DNHD1: variants seen among roughly 807,000 people sequenced by gnomAD.
DNHD1 encodes the protein dynein heavy chain domain 1.
Under a neutral mutation model 458.1 loss-of-function variants are expected in DNHD1, and 383 were observed. That is an observed-to-expected ratio of 0.84 (90% CI 0.77 to 0.91). The LOEUF is 0.91. Ranked by LOEUF, DNHD1 falls within the 40% of genes least tolerant of loss-of-function variation. The pLI is 0.00. For missense variants in DNHD1, 5,336 were observed against 5,866.1 expected, an observed-to-expected ratio of 0.91 and a Z score of 2.95; for synonymous variants, 2,203 against 2,376.9, an observed-to-expected ratio of 0.93 and a Z score of 2.13.
chr11:6,564,421 G>T lies in DNHD1; in HGVS notation c.10373G>T (p.Arg3458Leu). Residue 3458 changes from arginine to leucine, a missense_variant, in exon 32 of 43, where the codon CGG becomes CTG. Coordinates refer to ENST00000254579, the MANE Select transcript of DNHD1 (RefSeq NM_144666.3). ...TACCTGGGTCCCTTCCCACCATTGC[G>T]GCGCCAAGAGCTACTGGACGAGTGG... ...IIYLGPFPPLRRQELLDEWLA... is the reference protein window; with the variant it reads ...IIYLGPFPPLLRQELLDEWLA... 2 of 1,551,684 alleles carry T rather than the reference G, an allele frequency of 1.3e-6. No individual in the cohort carries two copies. The highest frequency in any genetic ancestry group is 1.7e-6 in the Non-Finnish European group (2 of 1,146,974).
Position 6,546,585 on chromosome 11 carries a change from A to G in DNHD1, c.5646A>G (p.Glu1882=). ...TGCCACTGCTCAAGCAGATACTGGA[A>G]GACACAATACGGACACTAAATGTGA... The part of the protein sequence containing the change: ...CRLPLLKQIL[E]DTIRTLNVTK... The change falls in exon 21 of 43, where the codon GAA becomes GAG. Residue 1882 remains glutamate, a synonymous_variant. Transcript: ENST00000254579. The G allele has an allele frequency of 1.3e-6, 2 of 1,551,848 alleles. No individual in the cohort carries two copies. The highest frequency in any genetic ancestry group is 1.7e-6 in the Non-Finnish European group (2 of 1,147,012).
At position 6,556,714 on chromosome 11, in the gene DNHD1, G is replaced by A. The variant is rs890254480; in HGVS notation, c.7419G>A (p.Glu2473=). 23 of 1,548,932 alleles carry A rather than the reference G, an allele frequency of 1.5e-5. No individual in the cohort carries two copies. Among genetic ancestry groups the A allele is most frequent in the Non-Finnish European group, 1.8e-5 (21 of 1,144,816 alleles). The change falls in exon 25 of 43, where the codon GAG becomes GAA. Residue 2473 remains glutamate (E), a synonymous_variant. Transcript: ENST00000254579. ...DPEKSCQPVL[E]TLRQAMDGTV... ...AGAAGAGCTGCCAGCCAGTGTTGGA[G>A]ACTCTGCGCCAGGCCATGGATGGCA...
In DNHD1 at chr11:6,570,777, C is replaced by T; in HGVS notation, c.13265C>T (p.Pro4422Leu). The change falls in exon 42 of 43, where the codon CCC becomes CTC. Residue 4422 changes from proline to leucine, a missense_variant. This residue lies in a region of DNHD1 where 698 missense variants were observed against 664.9 expected (regional missense o/e 1.05). Coordinates refer to ENST00000254579, the MANE Select transcript of DNHD1 (RefSeq NM_144666.3). Reference sequence around the variant, plus strand: ...TTGAGTGCGCTGCAGCGGAGTTCACCCGTGTGGGTTCCTGAGTCTCGAAGA... The same window carrying T: ...TTGAGTGCGCTGCAGCGGAGTTCACTCGTGTGGGTTCCTGAGTCTCGAAGA... ...ALLSALQRSSPVWVPESRRGA... is the reference protein window; with the variant it reads ...ALLSALQRSSLVWVPESRRGA... 3 of 1,613,226 alleles carry T rather than the reference C, an allele frequency of 1.9e-6. No homozygotes were observed. Among genetic ancestry groups the T allele is most frequent in the Non-Finnish European group, 1.7e-6 (2 of 1,179,558 alleles).
intron 16 of DNHD1, 94 bp from the exon 17 acceptor site, chr11:6,539,125 C>T: frequency 1.2e-6 from 1 of 837,528 alleles, no homozygotes; most frequent in Non-Finnish European, 1.9e-6. Context: ...GGGGTCTGAG[C>T]TGGGCTGGGC....
At position 6,570,605 on chromosome 11, in the gene DNHD1, C is replaced by G; in HGVS notation, c.13106-13C>G. The G allele has an allele frequency of 6.3e-7, 1 of 1,589,138 alleles. No homozygotes were observed. The highest frequency in any genetic ancestry group is 8.6e-7 in the Non-Finnish European group (1 of 1,166,856). On this transcript the variant is annotated splice_polypyrimidine_tract_variant and intron_variant, in intron 41 of 42. Coordinates refer to ENST00000254579, the MANE Select transcript of DNHD1 (RefSeq NM_144666.3). ...GTCCATCTTGTCCCTCACCCCTCAC[C>G]TCTATCCCCAAGAGCTAAGGGAGCT...
At position 6,505,202 on chromosome 11, in the gene DNHD1, T is replaced by C. The variant is rs1852207344; in HGVS notation, c.920+2276T>C. 6.6e-6 allele frequency among the ~76,000 whole-genome samples: 1 copy of C among 152,050 alleles called. No homozygotes were observed. Among genetic ancestry groups the C allele is most frequent in the South Asian group, 2.1e-4 (1 of 4,818 alleles). Reference sequence around the variant, plus strand: ...CTCATAGCTTCTAATAACCTGAACCTCTTCCATTTGTTCCTCTAGTTCTGG... The same window carrying C: ...CTCATAGCTTCTAATAACCTGAACCCCTTCCATTTGTTCCTCTAGTTCTGG... On this transcript the variant is annotated intron_variant, in intron 4 of 42. Coordinates refer to ENST00000254579, the MANE Select transcript of DNHD1 (RefSeq NM_144666.3). This position sits in a 1 kb window ranked among gnomAD's most constrained non-coding sequence, Gnocchi z 4.4.
chr11:6,553,002 T>A (rs978568321), intron 24 of DNHD1, among the ~76,000 whole-genome samples: 3 of 152,318 alleles, frequency 2.0e-5, no homozygotes, highest in East Asian at 3.9e-4. Flanking sequence ...AAGTACAACT[T>A]ATATATACTT....
intron 14 of DNHD1, among the ~76,000 whole-genome samples, chr11:6,534,448 G>A (rs543181499): frequency 6.6e-6 from 1 of 152,230 alleles, no homozygotes; most frequent in South Asian, 2.1e-4. Context: ...ATGGGGTCAG[G>A]GGCTAAAAGC....
At chr11:6,514,533 C>A (rs1852416946) in intron 7 of DNHD1, among the ~76,000 whole-genome samples, 1 of 149,798 alleles carries the variant, frequency 6.7e-6, no homozygotes, top group Admixed American at 6.7e-5. Flanking sequence ...CCCTTCCTCC[C>A]TTTTTCTCTC....
At chr11:6,510,416 C>A (rs373971778) in intron 6 of DNHD1, among the ~76,000 whole-genome samples, 1 of 152,148 alleles carries the variant, frequency 6.6e-6, no homozygotes, top group Admixed American at 6.5e-5. Context: ...TGTATGCTAG[C>A]CAACTCTTAG....
At chr11:6,555,635 A>G (rs906512255) in intron 24 of DNHD1, among the ~76,000 whole-genome samples, 22 of 152,228 alleles carry the variant, frequency 1.4e-4, no homozygotes, top group Admixed American at 6.5e-4. Context: ...AACTAAGGAA[A>G]CACGCAAAAA....
chr11:6,526,320 T>C (rs73404919), intron 10 of DNHD1, among the ~76,000 whole-genome samples: 238 of 152,288 alleles, frequency 1.6e-3, no homozygotes, highest in African/African-American at 5.6e-3. Context: ...CTAATTCTGA[T>C]ATGTGTCCTC....
chr11:6,521,543 G>A (rs1057138586), intron 10 of DNHD1, among the ~76,000 whole-genome samples: 1 of 151,998 alleles, frequency 6.6e-6, no homozygotes, highest in Admixed American at 6.6e-5. Flanking sequence ...AATGTTTAGG[G>A]GAATGAAAAG....
Position 6,511,521 on chromosome 11 carries a change from ACTGTATGAC to A in DNHD1, c.1392+96_1392+104del, listed in dbSNP as rs1180301557. 2.0e-6 allele frequency: 3 copies of A among 1,514,764 alleles called. No individual in the cohort carries two copies. In the Admixed American group the frequency reaches 5.6e-5, roughly 28 times the overall value. The allele number at this position is 1,514,764 out of a possible 1,614,324, so 93.8% of individuals were successfully genotyped here. On this transcript the variant is annotated intron_variant, in intron 7 of 42. Coordinates refer to ENST00000254579, the MANE Select transcript of DNHD1 (RefSeq NM_144666.3). The stretch of plus-strand genomic sequence containing the variant: ...CTTAGTTAAGTTTCTCCTGGAATCC[ACTGTATGAC>A]CTGGACTCTACAGTTGAATCAGAGC...
Position 6,548,490 on chromosome 11 carries a change from C to T in DNHD1, c.7098+88C>T. 6.8e-7 allele frequency: 1 copy of T among 1,463,384 alleles called. No homozygotes were observed. Among genetic ancestry groups the T allele is most frequent in the Non-Finnish European group, 9.2e-7 (1 of 1,082,528 alleles). The allele number at this position is 1,463,384 out of a possible 1,614,324, so 90.6% of individuals were successfully genotyped here. On this transcript the variant is annotated intron_variant, in intron 23 of 42. Transcript: ENST00000254579. The surrounding 1 kb of genome is among the most constrained non-coding windows in gnomAD (Gnocchi z 4.4). ...ATGTTCAAAGATCAGCTGAGGCCCA[C>T]TTGCTCCCTTTCTTTGATATATTTT...
intron 24 of DNHD1, among the ~76,000 whole-genome samples, chr11:6,550,938 CAAT>C (rs1284137613): frequency 6.6e-6 from 1 of 152,096 alleles, no homozygotes; most frequent in Non-Finnish European, 1.5e-5. Flanking sequence ...ATGCCTCTCA[CAAT>C]AACTGATAAG....
Position 6,566,672 on chromosome 11 carries a change from A to G in DNHD1, c.11292A>G (p.Glu3764=). 1 of 1,613,526 alleles carries G rather than the reference A, an allele frequency of 6.2e-7. No homozygotes were observed. Residue 3764 remains glutamate, a synonymous_variant, in exon 35 of 43, where the codon GAA becomes GAG. Transcript: ENST00000254579. ...MEILEEQMLH[E]ILCREYPELE... ...TACTGGAAGAACAGATGCTGCATGAAATCTTGTGCAGAGAGTATCCTGAAC... is the reference window on the plus strand; with the variant it reads ...TACTGGAAGAACAGATGCTGCATGAGATCTTGTGCAGAGAGTATCCTGAAC...
Position 6,564,370 on chromosome 11 carries a change from C to A in DNHD1, c.10322C>A (p.Thr3441Asn). ...KGRCMTVFGD[T>N]LLCSAAIIYL... The stretch of plus-strand genomic sequence containing the variant: ...CGCTGCATGACTGTGTTTGGAGATA[C>A]CCTCCTATGTTCAGCTGCCATCATC... Residue 3441 changes from threonine (T) to asparagine (N), a missense_variant, in exon 32 of 43, where the codon ACC becomes AAC. Around this residue, in one of 4 missense-constraint regions of DNHD1, gnomAD observed 3,932 missense variants for 4,365.6 expected, o/e 0.90. Transcript: ENST00000254579. 6.5e-7 allele frequency: 1 copy of A among 1,549,250 alleles called. No homozygotes were observed.
chr11:6,539,809 G>A, intron 17 of DNHD1, 67 bp from the exon 18 acceptor site: 1 of 1,454,956 alleles, frequency 6.9e-7, no homozygotes, highest in South Asian at 1.2e-5. Flanking sequence ...CAATCCCCAA[G>A]TCTCGGCTCC....
Sources: gnomAD v4.1 joint callset for allele counts (sites outside exome capture counted in the v4.1 genomes callset) on GRCh38, gnomAD v4.1.1 for gene constraint, gnomAD v4.1.1 regional missense constraint, Gnocchi (gnomAD v3.1) non-coding constraint, MANE v1.5 for transcripts, NCBI Gene and HGNC (gene_info 2026-07-23, HGNC 2026-07-21) for gene names.